RGS7: variants seen among roughly 807,000 people sequenced by gnomAD.
The protein encoded by RGS7 is regulator of G protein signaling 7.
In RGS7, 27 loss-of-function variants were observed where a neutral mutation model predicts 81.1. That is an observed-to-expected ratio of 0.33 (90% CI 0.25 to 0.46). RGS7 has a LOEUF of 0.46. Among genes scored for constraint, RGS7 ranks in the 20% least tolerant of loss-of-function variants. RGS7 has a pLI of 1.00. For synonymous variants in RGS7, 208 were observed against 207.7 expected (o/e 1.00, Z -0.01); for missense variants, 396 against 607.4 (o/e 0.65, Z 3.66).
chr1:240,890,972 A>T lies in RGS7; in HGVS notation c.386-20853T>A, dbSNP rs1668198085. Among the ~76,000 whole-genome samples the T allele has an allele frequency of 2.0e-5, 3 of 152,340 alleles. No individual in the cohort carries two copies. The South Asian group carries it at 6.2e-4, about 32-fold the overall frequency. On this transcript the variant is annotated intron_variant, in intron 6 of 18. Coordinates refer to ENST00000440928, the MANE Select transcript of RGS7 (RefSeq NM_001364886.1). ...AATGCATACTCCTGCTGAAAAAAAG[A>T]GGCCTACGATATTCTTGAGAGTGCA...
intron 2 of RGS7, among the ~76,000 whole-genome samples, chr1:241,306,444 CCA>C (rs1038002210): frequency 4.0e-5 from 6 of 149,782 alleles, no homozygotes; most frequent in African/African-American, 1.2e-4. Context: ...ACACACACCC[CCA>C]CACAGGCACA....
chr1:240,949,426 T>A (rs1156723434), intron 4 of RGS7, among the ~76,000 whole-genome samples: 1 of 152,148 alleles, frequency 6.6e-6, no homozygotes, highest in Non-Finnish European at 1.5e-5. Flanking sequence ...ATCTAACAGA[T>A]AATTATTCAC....
intron 3 of RGS7, among the ~76,000 whole-genome samples, chr1:241,079,135 G>C (rs529659327): frequency 6.6e-6 from 1 of 152,274 alleles, no homozygotes; most frequent in East Asian, 1.9e-4. Context: ...TATCTCTCTA[G>C]TGTTCCCTGC....
chr1:241,085,402 G>A (rs185465495), intron 3 of RGS7, among the ~76,000 whole-genome samples: 111 of 151,918 alleles, frequency 7.3e-4, no homozygotes, highest in Non-Finnish European at 1.1e-3. Flanking sequence ...TCATGAACTC[G>A]GGGACAGCTT....
At chr1:241,245,268 C>T (rs188300645) in intron 2 of RGS7, among the ~76,000 whole-genome samples, 8 of 152,036 alleles carry the variant, frequency 5.3e-5, no homozygotes, top group Non-Finnish European at 8.8e-5. Context: ...CTTATGGTTT[C>T]GCACTATCCC....
chr1:240,833,599 G>T (rs907997169), intron 9 of RGS7, among the ~76,000 whole-genome samples: 4 of 152,088 alleles, frequency 2.6e-5, no homozygotes, highest in Admixed American at 6.6e-5. Flanking sequence ...AGGTCAAGGA[G>T]CATCTGTATA....
intron 2 of RGS7, among the ~76,000 whole-genome samples, chr1:241,168,141 T>C (rs1380280754): frequency 5.9e-5 from 9 of 152,142 alleles, no homozygotes; most frequent in Admixed American, 5.9e-4. Context: ...TTGAGCACAA[T>C]AGGCTCTGCT....
intron 2 of RGS7, among the ~76,000 whole-genome samples, chr1:241,294,399 T>G (rs888128259): frequency 2.0e-5 from 3 of 152,218 alleles, no homozygotes; most frequent in Admixed American, 6.5e-5. Flanking sequence ...GTAACAAACC[T>G]GCACATTCTG....
intron 2 of RGS7, among the ~76,000 whole-genome samples, chr1:241,220,978 G>GAAGAAGC (rs1558202972): frequency 4.3e-4 from 33 of 76,010 alleles, no homozygotes; most frequent in Non-Finnish European, 7.5e-4. Context: ...AGGAAGGAAG[G>GAAGAAGC]AAGGAAGGAA....
intron 3 of RGS7, among the ~76,000 whole-genome samples, chr1:241,086,819 A>G (rs2063478095): frequency 6.6e-6 from 1 of 152,044 alleles, no homozygotes; most frequent in South Asian, 2.1e-4. Flanking sequence ...TCACGCGACA[A>G]TATTTGGAGT....
rs563139044 is a variant in RGS7 at position 240,975,853 on chromosome 1, C to T, written c.226+7226G>A. ...GCAGGTTTAAAAGGCAGAGGAAACACGAACGTGGAAGAACGTTGCCAGTAA... is the reference window on the plus strand; with the variant it reads ...GCAGGTTTAAAAGGCAGAGGAAACATGAACGTGGAAGAACGTTGCCAGTAA... On this transcript the variant is annotated intron_variant, in intron 4 of 18. Transcript: ENST00000440928. Among the ~76,000 whole-genome samples, 148 of 152,386 alleles carry T rather than the reference C, an allele frequency of 9.7e-4. 3 individuals are homozygous for T. Among genetic ancestry groups the T allele is most frequent in the African/African-American group, 3.2e-3 (133 of 41,598 alleles).
chr1:241,159,667 T>A (rs2069470539), intron 2 of RGS7, among the ~76,000 whole-genome samples: 1 of 151,786 alleles, frequency 6.6e-6, no homozygotes, highest in Non-Finnish European at 1.5e-5. Context: ...AAGAAGAAAA[T>A]AGAAGAAAGA....
intron 2 of RGS7, among the ~76,000 whole-genome samples, chr1:241,186,834 A>G (rs2072168271): frequency 6.6e-6 from 1 of 152,064 alleles, no homozygotes; most frequent in South Asian, 2.1e-4. Context: ...GCCATCTAAC[A>G]TAATTCTTAT....
intron 6 of RGS7, among the ~76,000 whole-genome samples, chr1:240,929,287 G>T (rs566812636): frequency 6.6e-6 from 1 of 152,106 alleles, no homozygotes; most frequent in Non-Finnish European, 1.5e-5. Flanking sequence ...CATTATCCTA[G>T]CTTGAATAAA....
At chr1:240,936,889 C>A (rs971985084) in intron 4 of RGS7, among the ~76,000 whole-genome samples, 183 bp from the exon 5 acceptor site, 1 of 152,166 alleles carries the variant, frequency 6.6e-6, no homozygotes, top group African/African-American at 2.4e-5. Flanking sequence ...TCCTAAGCTA[C>A]CTGCTCTGTA....
chr1:240,790,276 G>A (rs1421363701), intron 18 of RGS7, among the ~76,000 whole-genome samples: 2 of 151,872 alleles, frequency 1.3e-5, no homozygotes, highest in Non-Finnish European at 2.9e-5. Flanking sequence ...AAAAAGGAAA[G>A]AAATAAAAAA....
chr1:241,327,000 A>C (rs1396491414), intron 2 of RGS7, among the ~76,000 whole-genome samples: 1 of 3,542 alleles, frequency 2.8e-4, no homozygotes, highest in Non-Finnish European at 1.4e-3. Context: ...AGGAAGAAGG[A>C]AGGAAGGAAG....
chr1:240,899,357 T>C (rs978715623), intron 6 of RGS7, among the ~76,000 whole-genome samples: 4 of 152,218 alleles, frequency 2.6e-5, no homozygotes, highest in Non-Finnish European at 5.9e-5. Flanking sequence ...TGCTCATTAG[T>C]TGATGTGGTT....
Position 240,983,139 on chromosome 1 carries a change from GA to G in RGS7, c.176-11del. The G allele has an allele frequency of 1.4e-6, 2 of 1,432,172 alleles. No individual in the cohort carries two copies. Among genetic ancestry groups the G allele is most frequent in the Non-Finnish European group, 9.7e-7 (1 of 1,034,766 alleles). 88.7% of individuals were successfully genotyped at this position (1,432,172 alleles called of 1,614,324 possible). On this transcript the variant is annotated splice_polypyrimidine_tract_variant and intron_variant, in intron 3 of 18. Transcript: ENST00000440928. The stretch of plus-strand genomic sequence containing the variant: ...TGAACAATGTCTGAACCTAGAAAAA[GA>G]AAAAAGAAAAACACAAACAGATGTG...
Sources: gnomAD v4.1 joint callset for allele counts (sites outside exome capture counted in the v4.1 genomes callset) on GRCh38, gnomAD v4.1.1 for gene constraint, MANE v1.5 for transcripts, NCBI Gene and HGNC (gene_info 2026-07-23, HGNC 2026-07-21) for gene names.